Variants in ACAN observed in about 807,000 individuals in gnomAD.
ACAN encodes the protein aggrecan.
A neutral mutation model predicts 169.1 loss-of-function variants in ACAN; 47 were observed. That is an observed-to-expected ratio of 0.28 (90% CI 0.22 to 0.35). The LOEUF (loss-of-function observed/expected upper bound fraction) is 0.35, where lower values mean the gene tolerates loss of function less well. Ranked by LOEUF, ACAN falls within the 10% of genes least tolerant of loss-of-function variation. The pLI, the probability that ACAN is intolerant of heterozygous loss-of-function variation, is 1.00. For missense variants in ACAN, 2,716 were observed against 2,759.9 expected (o/e 0.98, Z 0.36); for synonymous variants, 1,115 against 1,112.2 (o/e 1.00, Z -0.05).
intron 1 of ACAN, among the ~76,000 whole-genome samples, chr15:88,835,027 C>G (rs939585): frequency 6.6e-6 from 1 of 151,938 alleles, no homozygotes; most frequent in African/African-American, 2.4e-5. Flanking sequence ...CAGCAGATGA[C>G]GATAAGGAAG....
At chr15:88,842,072 C>A (rs953198693) in intron 5 of ACAN, among the ~76,000 whole-genome samples, 1 of 152,128 alleles carries the variant, frequency 6.6e-6, no homozygotes, top group Non-Finnish European at 1.5e-5. Flanking sequence ...TCTCAGTGGC[C>A]CCAACATCTG....
In ACAN at chr15:88,861,366, A is replaced by C. The variant is rs941295252; in HGVS notation, c.6946+927A>C. ...AAAAAACGAATCCTGGAGAAAAAAC[A>C]ATCACTTCCACGTAAACCTCATGTC... On this transcript the variant is annotated intron_variant, in intron 13 of 18. Coordinates refer to ENST00000560601, the MANE Select transcript of ACAN (RefSeq NM_001369268.1). This position sits in a 1 kb window ranked among gnomAD's most constrained non-coding sequence, Gnocchi z 6.3. 1.3e-5 allele frequency among the ~76,000 whole-genome samples: 2 copies of C among 152,170 alleles called. No homozygotes were observed. The highest frequency in any genetic ancestry group is 2.9e-5 in the Non-Finnish European group (2 of 68,032).
At chr15:88,825,318 G>C (rs1896186439) in intron 1 of ACAN, among the ~76,000 whole-genome samples, 1 of 152,162 alleles carries the variant, frequency 6.6e-6, no homozygotes, top group Non-Finnish European at 1.5e-5. Flanking sequence ...GGGTGACTTG[G>C]AAGGAATAAG....
chr15:88,822,590 C>A (rs867922872), intron 1 of ACAN, among the ~76,000 whole-genome samples: 10 of 152,100 alleles, frequency 6.6e-5, no homozygotes, highest in African/African-American at 2.4e-4. Context: ...CCTCAGCCAC[C>A]ATGCCTGGCT....
In ACAN at chr15:88,839,941, GC is replaced by G. The variant is rs1896605836; in HGVS notation, c.455-70del. 2 of 1,528,264 alleles carry G rather than the reference GC, an allele frequency of 1.3e-6. No homozygotes were observed. Among genetic ancestry groups the G allele is most frequent in the Admixed American group, 3.9e-5 (2 of 50,704 alleles). The allele number at this position is 1,528,264 out of a possible 1,614,324, so 94.7% of individuals were successfully genotyped here. On this transcript the variant is annotated intron_variant, in intron 3 of 18. Transcript: ENST00000560601. The surrounding 1 kb of genome is among the most constrained non-coding windows in gnomAD (Gnocchi z 4.5). ...TCCCTTTGACTATTGCCATAATTCT[GC>G]GAGGGCCTCGGTGATCAGAGACTGT...
chr15:88,860,436 A>G lies in ACAN; in HGVS notation c.6943A>G (p.Ile2315Val), dbSNP rs374577791. 1.9e-6 allele frequency: 3 copies of G among 1,612,538 alleles called. No homozygotes were observed. In the Admixed American group the frequency reaches 5.0e-5, roughly 27 times the overall value. ...TGGCTACACTGGCGAGCACTGTAAC[A>G]TAGGTAAGGCCCTCATTGGCCGTGG... ...PPGYTGEHCN[I>V]DIDECLSSPC... is the part of the protein sequence containing the mutation. The change falls in exon 13 of 19, where the codon ATA becomes GTA. Residue 2315 changes from isoleucine to valine, a missense_variant. Physicochemically the swap from Ile to Val is conservative, Grantham distance 29. This residue lies in a region of ACAN where 1,389 missense variants were observed against 1,363.7 expected (regional missense o/e 1.02). Coordinates refer to ENST00000560601, the MANE Select transcript of ACAN (RefSeq NM_001369268.1).
At chr15:88,860,705 A>C (rs1897177824) in intron 13 of ACAN, among the ~76,000 whole-genome samples, 1 of 152,222 alleles carries the variant, frequency 6.6e-6, no homozygotes, top group African/African-American at 2.4e-5. Context: ...TAGGAGTAGA[A>C]TGAAAAATGT....
In ACAN at chr15:88,838,092, G is replaced by A. The variant is rs954215537; in HGVS notation, c.71-571G>A. On this transcript the variant is annotated intron_variant, in intron 2 of 18. Transcript: ENST00000560601. The surrounding 1 kb of genome is among the most constrained non-coding windows in gnomAD (Gnocchi z 5.1). ...GCACACCAAAAGGTCTGATCTTCTCGGATGCTTCTCCACCTGAGTCCCCTG... is the reference window on the plus strand; with the variant it reads ...GCACACCAAAAGGTCTGATCTTCTCAGATGCTTCTCCACCTGAGTCCCCTG... Among the ~76,000 whole-genome samples, 2 of 151,522 alleles carry A rather than the reference G, an allele frequency of 1.3e-5. 1 individual carries two copies. The highest frequency in any genetic ancestry group is 4.2e-4 in the South Asian group (2 of 4,756).
Position 88,871,192 on chromosome 15 carries a change from G to A in ACAN, c.7061-190G>A, listed in dbSNP as rs1897370005. Among the ~76,000 whole-genome samples the A allele has an allele frequency of 1.3e-5, 2 of 152,160 alleles. No homozygotes were observed. The highest frequency in any genetic ancestry group is 4.8e-5 in the African/African-American group (2 of 41,438). Reference sequence around the variant, plus strand: ...GCCCCTGGCATTTTCCCGAGTGGAAGCATGTGCAGAGGCTCCCAGGGACCA... The same window carrying A: ...GCCCCTGGCATTTTCCCGAGTGGAAACATGTGCAGAGGCTCCCAGGGACCA... On this transcript the variant is annotated intron_variant, in intron 14 of 18. Transcript: ENST00000560601. This position sits in a 1 kb window ranked among gnomAD's most constrained non-coding sequence, Gnocchi z 7.8.
intron 1 of ACAN, among the ~76,000 whole-genome samples, chr15:88,828,867 GACTC>G (rs1896291619): frequency 6.6e-6 from 1 of 152,184 alleles, no homozygotes; most frequent in Admixed American, 6.5e-5. Flanking sequence ...ACCCAGAGCC[GACTC>G]ACTCATGTCT....
rs267604366 is a variant in ACAN, at chr15:88,857,697, G to A, written c.5112G>A (p.Gly1704=). 1.2e-6 allele frequency: 2 copies of A among 1,614,018 alleles called. No homozygotes were observed. The highest frequency in any genetic ancestry group is 1.7e-6 in the Non-Finnish European group (2 of 1,179,902). Residue 1704 remains glycine, a synonymous_variant, in exon 12 of 19, where the codon GGG becomes GGA. Transcript: ENST00000560601. ...GLPSSELDIS[G]RASGLPSGTE... The stretch of plus-strand genomic sequence containing the variant: ...CCTCCAGTGAGCTGGACATTAGTGG[G>A]AGAGCTAGTGGACTCCCTTCAGGAA...
Position 88,868,852 on chromosome 15 carries a change from C to G in ACAN, c.7060+523C>G, listed in dbSNP as rs536497923. Among the ~76,000 whole-genome samples the G allele has an allele frequency of 6.6e-6, 1 of 152,362 alleles. No homozygotes were observed. Among genetic ancestry groups the G allele is most frequent in the South Asian group, 2.1e-4 (1 of 4,828 alleles). On this transcript the variant is annotated intron_variant, in intron 14 of 18. Coordinates refer to ENST00000560601, the MANE Select transcript of ACAN (RefSeq NM_001369268.1). The surrounding 1 kb of genome is among the most constrained non-coding windows in gnomAD (Gnocchi z 5.2). Reference sequence around the variant, plus strand: ...AGATCTCCCGTGTCATCAGCATGCTCAAGTCATGCATGAGCAAGGACTGCT... The same window carrying G: ...AGATCTCCCGTGTCATCAGCATGCTGAAGTCATGCATGAGCAAGGACTGCT...
rs1229344334 is a variant in ACAN, at chr15:88,873,309, A to G, written c.7447+284A>G. ...AGGACCCCCACTCCACACTCCACACAGTCCCTTGGATAGCAGCAGCAGAGT... is the reference window on the plus strand; with the variant it reads ...AGGACCCCCACTCCACACTCCACACGGTCCCTTGGATAGCAGCAGCAGAGT... On this transcript the variant is annotated intron_variant, in intron 17 of 18. Coordinates refer to ENST00000560601, the MANE Select transcript of ACAN (RefSeq NM_001369268.1). This position sits in a 1 kb window ranked among gnomAD's most constrained non-coding sequence, Gnocchi z 7.5. 1.3e-5 allele frequency among the ~76,000 whole-genome samples: 2 copies of G among 152,220 alleles called. No homozygotes were observed. Among genetic ancestry groups the G allele is most frequent in the Non-Finnish European group, 2.9e-5 (2 of 68,038 alleles).
chr15:88,822,699 G>T (rs111433010), intron 1 of ACAN, among the ~76,000 whole-genome samples: 2,337 of 152,202 alleles, frequency 0.015, 59 homozygotes, highest in African/African-American at 0.052. Context: ...CTCCCAAAGT[G>T]CTGGGATTAC....
rs557295371 is a variant in ACAN at position 88,866,966 on chromosome 15, C to T, written c.6947-1250C>T. Among the ~76,000 whole-genome samples, 83 of 152,300 alleles carry T rather than the reference C, an allele frequency of 5.4e-4. No homozygotes were observed. Among genetic ancestry groups the T allele is most frequent in the Non-Finnish European group, 9.3e-4 (63 of 68,026 alleles). On this transcript the variant is annotated intron_variant, in intron 13 of 18. Transcript: ENST00000560601. This position sits in a 1 kb window ranked among gnomAD's most constrained non-coding sequence, Gnocchi z 5.6. ...CATACTGAGGCTCAGTATCTTCAAA[C>T]CAATGTCATGGTGCCCCATAGCCAG... is the stretch of plus-strand genomic sequence containing the variant.
rs1422278664 is a variant in ACAN at position 88,856,769 on chromosome 15, C to T, written c.4184C>T (p.Pro1395Leu). Residue 1395 changes from proline (P) to leucine (L), a missense_variant, in exon 12 of 19, where the codon CCT becomes CTT. Around this residue, in one of 3 missense-constraint regions of ACAN, gnomAD observed 44 missense variants for 114.7 expected, o/e 0.38. Coordinates refer to ENST00000560601, the MANE Select transcript of ACAN (RefSeq NM_001369268.1). Reference sequence around the variant, plus strand: ...GGAGTAGAGGACATCAGCGGGCTTCCTTCTGGAGAAGTTCTAGAGACTACT... The same window carrying T: ...GGAGTAGAGGACATCAGCGGGCTTCTTTCTGGAGAAGTTCTAGAGACTACT... ...APGVEDISGL[P>L]SGEVLETTAP... The T allele has an allele frequency of 1.0e-6, 1 of 987,996 alleles. No homozygotes were observed. The highest frequency in any genetic ancestry group is 2.7e-5 in the East Asian group (1 of 36,926). The allele number at this position is 987,996 out of a possible 1,614,324, so 61.2% of individuals were successfully genotyped here.
In ACAN at chr15:88,857,736, C is replaced by T; in HGVS notation, c.5151C>T (p.Gly1717=). The change falls in exon 12 of 19, where the codon GGC becomes GGT. Residue 1717 remains glycine (G), a synonymous_variant. Coordinates refer to ENST00000560601, the MANE Select transcript of ACAN (RefSeq NM_001369268.1). ...TCCCTTCAGGAACTGAACTCAGTGG[C>T]CAAGCATCTGGGTCTCCTGATGTCA... is the stretch of plus-strand genomic sequence containing the variant. ...SGLPSGTELS[G]QASGSPDVSG... The T allele has an allele frequency of 6.2e-7, 1 of 1,613,926 alleles. No individual in the cohort carries two copies. The highest frequency in any genetic ancestry group is 8.5e-7 in the Non-Finnish European group (1 of 1,179,884).
In ACAN at chr15:88,857,180, A is replaced by T; in HGVS notation, c.4595A>T (p.Glu1532Val). 1 of 1,610,350 alleles carries T rather than the reference A, an allele frequency of 6.2e-7. No individual in the cohort carries two copies. The highest frequency in any genetic ancestry group is 8.5e-7 in the Non-Finnish European group (1 of 1,178,918). The change falls in exon 12 of 19, where the codon GAA becomes GTA. Residue 1532 changes from glutamate (E) to valine (V), a missense_variant. Glu to Val is a moderately radical substitution (Grantham distance 121). Transcript: ENST00000560601. ...VEDLSRLPSG[E>V]EVLEISASGF... ...GACCTCAGCAGGCTCCCTTCTGGAGAAGAAGTTCTAGAGATTTCTGCCTCT... is the reference window on the plus strand; with the variant it reads ...GACCTCAGCAGGCTCCCTTCTGGAGTAGAAGTTCTAGAGATTTCTGCCTCT...
intron 4 of ACAN, among the ~76,000 whole-genome samples, chr15:88,841,244 G>A (rs1028948864): frequency 6.6e-6 from 1 of 152,246 alleles, no homozygotes; most frequent in Admixed American, 6.5e-5. Flanking sequence ...GTTTCTTCAA[G>A]TGTAAAGTAG....
Sources: gnomAD v4.1 joint callset for allele counts (sites outside exome capture counted in the v4.1 genomes callset) on GRCh38, gnomAD v4.1.1 for gene constraint, gnomAD v4.1.1 regional missense constraint, Gnocchi (gnomAD v3.1) non-coding constraint, MANE v1.5 for transcripts, NCBI Gene and HGNC (gene_info 2026-07-23, HGNC 2026-07-21) for gene names.